The following REC8 variants were observed in gnomAD, a reference collection of about 807,000 sequenced individuals.
The protein encoded by REC8 is REC8 meiotic recombination protein.
In REC8, 42 loss-of-function variants were observed where a neutral mutation model predicts 78.3. The observed-to-expected ratio is 0.54, with a 90% CI of 0.42 to 0.69. The LOEUF (loss-of-function observed/expected upper bound fraction) is 0.69, where lower values mean the gene tolerates loss of function less well. REC8 is among the 30% of genes least tolerant of loss of function. REC8 has a pLI of 0.00. For missense variants in REC8, 581 were observed against 715.8 expected (o/e 0.81, Z 2.15); for synonymous variants, 268 against 274.1 (o/e 0.98, Z 0.22).
chr14:24,176,070 CTT>C (rs112279022), intron 6 of REC8, among the ~76,000 whole-genome samples: 12 of 145,372 alleles, frequency 8.3e-5, no homozygotes, highest in Admixed American at 1.4e-4. Flanking sequence ...ATTTCTTATC[CTT>C]TTTTTTTTTT....
chr14:24,178,161 C>T lies in REC8; in HGVS notation c.935C>T (p.Thr312Ile). 1.9e-6 allele frequency: 3 copies of T among 1,614,074 alleles called. No homozygotes were observed. The highest frequency in any genetic ancestry group is 2.5e-6 in the Non-Finnish European group (3 of 1,179,960). The change falls in exon 12 of 19, where the codon ACT becomes ATT. Residue 312 changes from threonine (T) to isoleucine (I), a missense_variant. By Grantham distance (89) the Thr-to-Ile change is moderately conservative. Coordinates refer to ENST00000611366, the MANE Select transcript of REC8 (RefSeq NM_001048205.2). ...CGGTTACTGTTCTGGGACAAGGAGA[C>T]TCAGATCTCCCCGGAGAAATTCCAG... Reference protein sequence around the residue: ...RRRLLFWDKETQISPEKFQEQ... With the variant: ...RRRLLFWDKEIQISPEKFQEQ...
At chr14:24,174,513 G>A (rs1409816294) in intron 5 of REC8, among the ~76,000 whole-genome samples, 1 of 151,894 alleles carries the variant, frequency 6.6e-6, no homozygotes, top group Non-Finnish European at 1.5e-5. Flanking sequence ...CCTGATCTCA[G>A]GCACTCCACC....
rs1198565603 is a variant in REC8 at position 24,179,098 on chromosome 14, C to A, written c.1217C>A (p.Ala406Asp). The A allele has an allele frequency of 1.3e-6, 2 of 1,592,740 alleles. No homozygotes were observed. Among genetic ancestry groups the A allele is most frequent in the African/African-American group, 2.7e-5 (2 of 74,166 alleles). ...VPSEIEVPRE[A>D]LEPSVPLMVS... ...TCCCATCCCCAGGTCCCGAGGGAGG[C>A]CCTGGAGCCCAGTGTTCCCCTTATG... is the stretch of plus-strand genomic sequence containing the variant. The change falls in exon 15 of 19, where the codon GCC becomes GAC. Residue 406 changes from alanine (A) to aspartate (D), a missense_variant. Ala to Asp is a moderately radical substitution (Grantham distance 126). Coordinates refer to ENST00000611366, the MANE Select transcript of REC8 (RefSeq NM_001048205.2).
At chr14:24,175,368 AG>A in intron 5 of REC8, 174 bp from the exon 6 acceptor site, 1 of 579,658 alleles carries the variant, frequency 1.7e-6, no homozygotes, top group Non-Finnish European at 3.1e-6. Flanking sequence ...AGGTGAGAAC[AG>A]GAACTGAGGA....
rs1178172552 is a variant in REC8 at position 24,178,819 on chromosome 14, G to A, written c.1106G>A (p.Cys369Tyr). 1.2e-6 allele frequency: 2 copies of A among 1,613,664 alleles called. No individual in the cohort carries two copies. Among genetic ancestry groups the A allele is most frequent in the African/African-American group, 1.3e-5 (1 of 74,910 alleles). ...GAACTACTGGGTCTCTGGACCCATT[G>A]TGCCCAGCCACCCCCAAAAGCCCTC... is the stretch of plus-strand genomic sequence containing the variant. ...PPELLGLWTH[C>Y]AQPPPKALRR... The change falls in exon 14 of 19, where the codon TGT (cysteine) becomes TAT (tyrosine). Residue 369 changes from cysteine (C) to tyrosine (Y), a missense_variant. By Grantham distance (194) the Cys-to-Tyr change is radical. Coordinates refer to ENST00000611366, the MANE Select transcript of REC8 (RefSeq NM_001048205.2).
chr14:24,176,337 G>A (rs1027366319), intron 6 of REC8, among the ~76,000 whole-genome samples: 12 of 147,480 alleles, frequency 8.1e-5, no homozygotes, highest in Admixed American at 2.7e-4. Context: ...GATTACAGGC[G>A]TGAGCCACCA....
intron 5 of REC8, among the ~76,000 whole-genome samples, chr14:24,174,546 G>A (rs1055487374): frequency 2.6e-5 from 4 of 152,118 alleles, no homozygotes; most frequent in Admixed American, 6.6e-5. Context: ...CCAAAGTGCT[G>A]GGATTACAGG....
At position 24,173,001 on chromosome 14, in the gene REC8, T is replaced by C. The variant is rs772554361; in HGVS notation, c.228T>C (p.Gly76=). The change falls in exon 3 of 19, where the codon GGT becomes GGC. Residue 76 remains glycine (G), a synonymous_variant. Transcript: ENST00000611366. ...SLYLSAQLQI[G]VIRVYSQQCQ... Reference sequence around the variant, plus strand: ...ATCTCTCAGCCCAACTTCAGATCGGTGTGATCCGCGTCTATTCTCAACAAT... The same window carrying C: ...ATCTCTCAGCCCAACTTCAGATCGGCGTGATCCGCGTCTATTCTCAACAAT... 5.6e-6 allele frequency: 9 copies of C among 1,608,560 alleles called. No homozygotes were observed. Among genetic ancestry groups the C allele is most frequent in the Non-Finnish European group, 7.6e-6 (9 of 1,180,000 alleles).
intron 6 of REC8, 121 bp downstream of exon 6, chr14:24,175,745 C>A: frequency 1.5e-6 from 1 of 664,514 alleles, no homozygotes; most frequent in Non-Finnish European, 2.6e-6. Context: ...TTTTTCGAGG[C>A]AGAGTCTCAC....
chr14:24,179,285 T>C (rs973396479), intron 15 of REC8, 112 bp from the exon 16 acceptor site: 69 of 1,285,332 alleles, frequency 5.4e-5, no homozygotes, highest in South Asian at 4.6e-4. Flanking sequence ...CTCCCACCTA[T>C]GTGCTTTTAA....
rs1876365965 is a variant in REC8 at position 24,172,464 on chromosome 14, A to G, written c.-89A>G. 2.2e-6 allele frequency: 3 copies of G among 1,394,964 alleles called. No individual in the cohort carries two copies. Among genetic ancestry groups the G allele is most frequent in the Middle Eastern group, 2.5e-4 (1 of 3,962 alleles). The allele number at this position is 1,394,964 out of a possible 1,614,324, so 86.4% of individuals were successfully genotyped here. A position where few individuals can be genotyped will look rare whatever the true frequency, so the allele number is the denominator to read the frequency against. On this transcript the variant is annotated 5_prime_UTR_variant, in exon 1 of 19. Transcript: ENST00000611366. Reference sequence around the variant, plus strand: ...GAAGTCCAAATCCTGACTTCTCTCCAAGGTGTTGGGAATTCTGTGCCCTAA... The same window carrying G: ...GAAGTCCAAATCCTGACTTCTCTCCGAGGTGTTGGGAATTCTGTGCCCTAA...
At chr14:24,174,198 G>A (rs1288967218) in intron 5 of REC8, among the ~76,000 whole-genome samples, 1 of 151,996 alleles carries the variant, frequency 6.6e-6, no homozygotes. Flanking sequence ...CGGCCAGGCT[G>A]GTCTCGAACT....
Position 24,177,135 on chromosome 14 carries a change from G to A in REC8, c.625-6G>A, listed in dbSNP as rs1378366401. 1.2e-6 allele frequency: 2 copies of A among 1,613,302 alleles called. No individual in the cohort carries two copies. Among genetic ancestry groups the A allele is most frequent in the African/African-American group, 2.7e-5 (2 of 74,856 alleles). On this transcript the variant is annotated splice_region_variant and splice_polypyrimidine_tract_variant and intron_variant, in intron 7 of 18. Transcript: ENST00000611366. ...TCCCCTCCCCTTGCTCTTCCTCTCT[G>A]GACAGGGTGAACGGGAGCTCCCAGA...
chr14:24,178,107 C>T lies in REC8; in HGVS notation c.881C>T (p.Pro294Leu), dbSNP rs35425516. 2.7e-4 allele frequency: 436 copies of T among 1,613,674 alleles called. No individual in the cohort carries two copies. Among genetic ancestry groups the T allele is most frequent in the Non-Finnish European group, 3.3e-4 (384 of 1,179,710 alleles). Residue 294 changes from proline to leucine, a missense_variant, in exon 12 of 19, where the codon CCC becomes CTC. Pro to Leu is a moderately conservative substitution (Grantham distance 98). Coordinates refer to ENST00000611366, the MANE Select transcript of REC8 (RefSeq NM_001048205.2). ...PPSPERRPPV[P>L]PPPRRRRRRR... Reference sequence around the variant, plus strand: ...ACTCAACAGAGGAGGCCCCCAGTCCCCCCACCTCCTCGCCGCCGCCGTCGT... The same window carrying T: ...ACTCAACAGAGGAGGCCCCCAGTCCTCCCACCTCCTCGCCGCCGCCGTCGT...
chr14:24,178,771 C>A lies in REC8; in HGVS notation c.1064-6C>A. The stretch of plus-strand genomic sequence containing the variant: ...AACCCCGTGCCTACTACCCTCTTGT[C>A]CACAGCTGGCTGGCTACCCCCTGAA... On this transcript the variant is annotated splice_polypyrimidine_tract_variant and splice_region_variant and intron_variant, in intron 13 of 18. Coordinates refer to ENST00000611366, the MANE Select transcript of REC8 (RefSeq NM_001048205.2). The A allele has an allele frequency of 6.2e-7, 1 of 1,607,632 alleles. No individual in the cohort carries two copies. Among genetic ancestry groups the A allele is most frequent in the South Asian group, 1.1e-5 (1 of 90,710 alleles).
chr14:24,175,356 G>A (rs1594412486), intron 5 of REC8, 187 bp from the exon 6 acceptor site: 2 of 548,878 alleles, frequency 3.6e-6, no homozygotes, highest in East Asian at 6.1e-5. Context: ...GGTTGGGGAG[G>A]GAGGTGAGAA....
At chr14:24,173,435 G>A (rs778719501) in intron 5 of REC8, 24 bp downstream of exon 5, 4 of 1,612,876 alleles carry the variant, frequency 2.5e-6, no homozygotes, top group East Asian at 2.2e-5. Flanking sequence ...CCCAAGACTC[G>A]TGAATTGGCA....
intron 5 of REC8, 59 bp downstream of exon 5, chr14:24,173,470 G>A: frequency 6.3e-7 from 1 of 1,598,808 alleles, no homozygotes; most frequent in Non-Finnish European, 8.5e-7. Context: ...TGCTGTCCCT[G>A]TGTCACTCTG....
rs762814657 is a variant in REC8, at chr14:24,176,920, A to G, written c.624+19A>G. ...GATTGAGGTGAGTTCCCCTGCACAC[A>G]GGGCCTGAGGTCCAGCCCCCTTGCA... On this transcript the variant is annotated intron_variant, in intron 7 of 18. Transcript: ENST00000611366. 3 of 1,598,056 alleles carry G rather than the reference A, an allele frequency of 1.9e-6. No homozygotes were observed. The South Asian group carries it at 3.3e-5, about 18-fold the overall frequency.
Sources: gnomAD v4.1 joint callset for allele counts (sites outside exome capture counted in the v4.1 genomes callset) on GRCh38, gnomAD v4.1.1 for gene constraint, MANE v1.5 for transcripts, NCBI Gene and HGNC (gene_info 2026-07-23, HGNC 2026-07-21) for gene names.